PTPRD: variants seen among roughly 807,000 people sequenced by gnomAD.
PTPRD encodes the protein protein tyrosine phosphatase receptor type D.
PTPRD carries 34 observed loss-of-function variants against 214.5 expected under a neutral mutation model. The observed-to-expected ratio is 0.16, with a 90% confidence interval of 0.12 to 0.21. The LOEUF (loss-of-function observed/expected upper bound fraction) is 0.21, where lower values mean the gene tolerates loss of function less well. Among genes scored for constraint, PTPRD ranks in the 10% least tolerant of loss-of-function variants. The pLI, the probability that PTPRD is intolerant of heterozygous loss-of-function variation, is 1.00. For missense variants in PTPRD, 2,545 were observed against 2,398.7 expected (o/e 1.06, Z -1.27); for synonymous variants, 1,128 against 845.7 (o/e 1.33, Z -5.79).
At chr9:9,524,889 G>A (rs1290480688) in intron 8 of PTPRD, among the ~76,000 whole-genome samples, 4 of 152,086 alleles carry the variant, frequency 2.6e-5, no homozygotes, top group Non-Finnish European at 4.4e-5. Flanking sequence ...ACGGAGTCTC[G>A]CTCTGTTGCC....
At chr9:8,607,062 G>T (rs571706473) in intron 14 of PTPRD, among the ~76,000 whole-genome samples, 1 of 152,148 alleles carries the variant, frequency 6.6e-6, no homozygotes, top group Admixed American at 6.5e-5. Context: ...GAAGACATTG[G>T]ACAAAGGATA....
At chr9:9,280,770 A>G (rs770087983) in intron 9 of PTPRD, among the ~76,000 whole-genome samples, 13 of 151,332 alleles carry the variant, frequency 8.6e-5, no homozygotes, top group Non-Finnish European at 1.8e-4. Flanking sequence ...GTGAATATTG[A>G]CAAACTGATT....
chr9:8,656,003 T>C lies in PTPRD; in HGVS notation c.65-19159A>G, dbSNP rs150667762. On this transcript the variant is annotated intron_variant, in intron 12 of 45. Coordinates refer to ENST00000381196, the MANE Select transcript of PTPRD (RefSeq NM_002839.4). ...TGCTAAACCTATCAGACAAGACTTT[T>C]TACATCTCTAATTTACCCGAGATAG... 3.1e-3 allele frequency among the ~76,000 whole-genome samples: 473 copies of C among 152,328 alleles called. 6 individuals are homozygous for C. The highest frequency in any genetic ancestry group is 0.011 in the African/African-American group (440 of 41,566).
intron 8 of PTPRD, among the ~76,000 whole-genome samples, chr9:9,553,191 G>T (rs1350313546): frequency 6.6e-6 from 1 of 152,024 alleles, no homozygotes; most frequent in East Asian, 1.9e-4. Context: ...GAAAGCAATT[G>T]ATTGACAGAA....
In PTPRD at chr9:8,786,469, G is replaced by A. The variant is rs1230940437; in HGVS notation, c.-103-52523C>T. 2.8e-5 allele frequency among the ~76,000 whole-genome samples: 4 copies of A among 141,380 alleles called. No homozygotes were observed. The East Asian group carries it at 6.4e-4, about 23-fold the overall frequency. 92.8% of individuals were successfully genotyped at this position (141,380 alleles called of 152,430 possible). ...CTGTCGCCCAGCTTGGAGTGCAGTG[G>A]CTCCATCTCAGCTCAACTGCAACCT... On this transcript the variant is annotated intron_variant, in intron 11 of 45. Transcript: ENST00000381196.
chr9:9,013,592 T>A (rs1342765453), intron 11 of PTPRD, among the ~76,000 whole-genome samples: 1 of 152,144 alleles, frequency 6.6e-6, no homozygotes, highest in Non-Finnish European at 1.5e-5. Flanking sequence ...GACCTTGCTA[T>A]ATTCTCTGTA....
At chr9:9,268,477 G>T (rs1366129203) in intron 9 of PTPRD, among the ~76,000 whole-genome samples, 1 of 150,960 alleles carries the variant, frequency 6.6e-6, no homozygotes, top group Non-Finnish European at 1.5e-5. Context: ...TTAAATCAAG[G>T]TTCCAATGGC....
chr9:9,309,797 T>G (rs1958336463), intron 9 of PTPRD, among the ~76,000 whole-genome samples: 1 of 152,204 alleles, frequency 6.6e-6, no homozygotes, highest in African/African-American at 2.4e-5. Context: ...TCGTATTTGT[T>G]AAAATTAGAA....
At chr9:10,164,770 C>T (rs118067355) in intron 3 of PTPRD, among the ~76,000 whole-genome samples, 3,365 of 150,528 alleles carry the variant, frequency 0.022, 49 homozygotes, top group Middle Eastern at 0.041. Flanking sequence ...GATGAGTTAA[C>T]AACTAATGAA....
chr9:10,417,464 G>C (rs1253493996), intron 2 of PTPRD, among the ~76,000 whole-genome samples: 1 of 151,712 alleles, frequency 6.6e-6, no homozygotes, highest in African/African-American at 2.4e-5. Flanking sequence ...CATTTAAATT[G>C]TAAGTATAAC....
intron 3 of PTPRD, among the ~76,000 whole-genome samples, chr9:10,180,562 A>G (rs2154306140): frequency 6.6e-6 from 1 of 151,204 alleles, no homozygotes; most frequent in South Asian, 2.1e-4. Flanking sequence ...ATTTTAAATT[A>G]ATGATAGTAA....
chr9:10,311,961 A>C (rs2096278166), intron 3 of PTPRD, among the ~76,000 whole-genome samples: 1 of 151,892 alleles, frequency 6.6e-6, no homozygotes, highest in Non-Finnish European at 1.5e-5. Flanking sequence ...CTGGCCTCCA[A>C]CATTCACAGA....
At chr9:8,491,515 T>C (rs968333408) in intron 27 of PTPRD, among the ~76,000 whole-genome samples, 1 of 152,302 alleles carries the variant, frequency 6.6e-6, no homozygotes, top group African/African-American at 2.4e-5. Flanking sequence ...AAATGTATTT[T>C]CTTCCATTTG....
chr9:8,701,638 AAAT>A (rs1237272088), intron 12 of PTPRD: 3 of 152,166 alleles, frequency 2.0e-5, no homozygotes, highest in South Asian at 4.1e-4. Flanking sequence ...ACTCCGTCTC[AAAT>A]AATAATAATA....
intron 4 of PTPRD, among the ~76,000 whole-genome samples, chr9:10,010,561 C>G (rs1268622212): frequency 6.6e-6 from 1 of 151,686 alleles, no homozygotes; most frequent in Admixed American, 6.6e-5. Context: ...GTGTAGTGTA[C>G]CTTCAAGTGG....
chr9:9,040,341 A>T (rs923612335), intron 10 of PTPRD, among the ~76,000 whole-genome samples: 1 of 152,206 alleles, frequency 6.6e-6, no homozygotes, highest in African/African-American at 2.4e-5. Flanking sequence ...GGCTTAAGAA[A>T]GCAACACCAT....
At chr9:10,546,960 T>C (rs1397718025) in intron 2 of PTPRD, among the ~76,000 whole-genome samples, 1 of 152,072 alleles carries the variant, frequency 6.6e-6, no homozygotes, top group Non-Finnish European at 1.5e-5. Context: ...AAGAGTTTTT[T>C]AATCGTGTGA....
At chr9:8,793,980 C>T (rs542173927) in intron 11 of PTPRD, among the ~76,000 whole-genome samples, 2 of 152,164 alleles carry the variant, frequency 1.3e-5, no homozygotes, top group African/African-American at 4.8e-5. Context: ...CGATTCCCTG[C>T]AGCACAGCTG....
At chr9:9,426,729 A>G (rs2081091158) in intron 8 of PTPRD, among the ~76,000 whole-genome samples, 1 of 152,164 alleles carries the variant, frequency 6.6e-6, no homozygotes, top group South Asian at 2.1e-4. Context: ...ACGATAAGGC[A>G]GCAACATTTG....
Sources: allele counts gnomAD v4.1 joint callset (sites outside exome capture counted in the v4.1 genomes callset), GRCh38; gene constraint gnomAD v4.1.1; transcripts MANE v1.5; gene names NCBI Gene and HGNC (gene_info 2026-07-23, HGNC 2026-07-21).